The following TOPBP1 variants were observed in gnomAD, a reference collection of about 807,000 sequenced individuals.
TOPBP1 encodes the protein DNA topoisomerase II binding protein 1, also known as DNA topoisomerase 2-binding protein 1.
A neutral mutation model predicts 167.7 loss-of-function variants in TOPBP1; 28 were observed. The observed-to-expected ratio is 0.17, with a 90% confidence interval of 0.12 to 0.23. The LOEUF is 0.23. TOPBP1 is among the 10% of genes least tolerant of loss of function. The pLI, the probability that TOPBP1 is intolerant of heterozygous loss-of-function variation, is 1.00. For synonymous variants in TOPBP1, 598 were observed against 611.4 expected (o/e 0.98, Z 0.32); for missense variants, 1,554 against 1,809.6 (o/e 0.86, Z 2.56).
At position 133,617,232 on chromosome 3, in the gene TOPBP1, G is replaced by C. The variant is rs768830059; in HGVS notation, c.3687C>G (p.Ile1229Met). ...LETPIKDSHL[I>M]PTPQAPSIAF... Reference sequence around the variant, plus strand: ...CAATACTGGGGGCTTGAGGCGTAGGGATCAGGTGGCTGTCTTTTATGGGAG... The same window carrying C: ...CAATACTGGGGGCTTGAGGCGTAGGCATCAGGTGGCTGTCTTTTATGGGAG... Residue 1229 changes from isoleucine (I) to methionine (M), a missense_variant, in exon 22 of 28, where the codon ATC becomes ATG. Ile to Met is a conservative substitution (Grantham distance 10, BLOSUM62 1). This residue lies in a region of TOPBP1 where 351 missense variants were observed against 432.9 expected (regional missense o/e 0.81). Transcript: ENST00000260810. 37 of 1,613,916 alleles carry C rather than the reference G, an allele frequency of 2.3e-5. No individual in the cohort carries two copies. The highest frequency in any genetic ancestry group is 3.1e-5 in the Non-Finnish European group (37 of 1,179,854).
rs1936199764 is a variant in TOPBP1, at chr3:133,649,369, C to T, written c.1504+14G>A. The T allele has an allele frequency of 6.2e-7, 1 of 1,607,722 alleles. No individual in the cohort carries two copies. Among genetic ancestry groups the T allele is most frequent in the Non-Finnish European group, 8.5e-7 (1 of 1,178,088 alleles). On this transcript the variant is annotated intron_variant, in intron 10 of 27. Transcript: ENST00000260810. ...TTTCTTACTAACTACAAATACTAAT[C>T]AAGCATTTCTTACCTACTGTGGAGC...
chr3:133,651,866 T>C (rs1936318715), intron 8 of TOPBP1, among the ~76,000 whole-genome samples: 1 of 152,202 alleles, frequency 6.6e-6, no homozygotes, highest in Admixed American at 6.5e-5. Flanking sequence ...TTTATATATA[T>C]ATTAACACAC....
intron 13 of TOPBP1, among the ~76,000 whole-genome samples, chr3:133,639,435 C>G (rs1220381898): frequency 1.3e-5 from 2 of 152,064 alleles, no homozygotes; most frequent in Non-Finnish European, 2.9e-5. Context: ...ACATCACACA[C>G]CGGGGCCTGT....
At chr3:133,645,877 G>A (rs57367367) in intron 10 of TOPBP1, among the ~76,000 whole-genome samples, 29 of 152,214 alleles carry the variant, frequency 1.9e-4, no homozygotes, top group East Asian at 7.7e-4. Context: ...GGCCGGGCGC[G>A]GTGGCTCATG....
intron 14 of TOPBP1, 125 bp from the exon 15 acceptor site, chr3:133,628,858 C>T: frequency 1.1e-6 from 1 of 913,724 alleles, no homozygotes; most frequent in Non-Finnish European, 1.6e-6. Flanking sequence ...GGGGGAGAAT[C>T]CTCAAAATTA....
intron 22 of TOPBP1, 80 bp from the exon 23 acceptor site, chr3:133,617,005 T>C: frequency 8.0e-7 from 1 of 1,256,826 alleles, no homozygotes; most frequent in Non-Finnish European, 1.1e-6. Flanking sequence ...GGTATTTTAC[T>C]CAGTCTTCTA....
chr3:133,616,769 T>C (rs1576683620), intron 23 of TOPBP1, 45 bp downstream of exon 23: 1 of 1,136,696 alleles, frequency 8.8e-7, no homozygotes, highest in East Asian at 2.7e-5. Context: ...CTTCCAAATA[T>C]GGTTATTATA....
intron 21 of TOPBP1, 148 bp from the exon 22 acceptor site, chr3:133,617,474 C>A: frequency 1.3e-6 from 1 of 791,474 alleles, no homozygotes. Context: ...ATCCTATCCC[C>A]AGAACTTATA....
At chr3:133,657,338 T>C (rs1036695897) in intron 4 of TOPBP1, among the ~76,000 whole-genome samples, 2 of 150,486 alleles carry the variant, frequency 1.3e-5, no homozygotes, top group Admixed American at 1.3e-4. Context: ...TAAGACCCTG[T>C]CCCAAATATA....
intron 10 of TOPBP1, among the ~76,000 whole-genome samples, chr3:133,644,613 G>A (rs1253359378): frequency 6.6e-6 from 1 of 152,124 alleles, no homozygotes; most frequent in African/African-American, 2.4e-5. Flanking sequence ...CTAGTATAAT[G>A]GAAACTTGAA....
chr3:133,655,041 T>C (rs1036996648), intron 6 of TOPBP1, among the ~76,000 whole-genome samples: 1 of 147,626 alleles, frequency 6.8e-6, no homozygotes, highest in African/African-American at 2.4e-5. Flanking sequence ...AGCCCGTCTC[T>C]ACTAAAAATA....
At chr3:133,661,201 T>C (rs2107843726) in intron 1 of TOPBP1, 67 bp from the exon 2 acceptor site, 2 of 1,228,702 alleles carry the variant, frequency 1.6e-6, no homozygotes, top group Non-Finnish European at 2.2e-6. Context: ...ATGTTTAACC[T>C]ACCTATTTTT....
chr3:133,659,114 T>C lies in TOPBP1; in HGVS notation c.121A>G (p.Ile41Val). The C allele has an allele frequency of 6.3e-7, 1 of 1,582,694 alleles. No homozygotes were observed. The highest frequency in any genetic ancestry group is 8.6e-7 in the Non-Finnish European group (1 of 1,163,842). Residue 41 changes from isoleucine (I) to valine (V), a missense_variant, in exon 3 of 28, where the codon ATT becomes GTT. By Grantham distance (29) the Ile-to-Val change is conservative. Around this residue, in one of 3 missense-constraint regions of TOPBP1, gnomAD observed 1,197 missense variants for 1,351.5 expected, o/e 0.89. Coordinates refer to ENST00000260810, the MANE Select transcript of TOPBP1 (RefSeq NM_007027.4). The stretch of plus-strand genomic sequence containing the variant: ...TTCAATGCCTCTTCTTCTGTAATAA[T>C]CTGAAGATATTCTTCTGATTGGAAT... ...KEFQSEEYLQ[I>V]ITEEEALKIK...
rs934664768 is a variant in TOPBP1, at chr3:133,619,119, AAAAAAAC to A, written c.3372-693_3372-687del. ...CTTACACTGTGGAGAAGCAAAAAAA[AAAAAAAC>A]AAAAAACAAAAAACAAAACAAAACA... is the stretch of plus-strand genomic sequence containing the variant. On this transcript the variant is annotated intron_variant, in intron 20 of 27. Transcript: ENST00000260810. Among the ~76,000 whole-genome samples, 22 of 144,486 alleles carry A rather than the reference AAAAAAAC, an allele frequency of 1.5e-4. No homozygotes were observed. In the East Asian group the frequency reaches 1.5e-3, roughly 10 times the overall value. 94.8% of individuals were successfully genotyped at this position (144,486 alleles called of 152,430 possible). A position where few individuals can be genotyped will look rare whatever the true frequency, so the allele number is the denominator to read the frequency against.
At chr3:133,654,745 C>T (rs1008597236) in intron 6 of TOPBP1, among the ~76,000 whole-genome samples, 14 of 152,020 alleles carry the variant, frequency 9.2e-5, no homozygotes, top group East Asian at 1.9e-4. Flanking sequence ...TTTTCTTGTT[C>T]GTAATGTCTT....
At chr3:133,643,667 C>T (rs887941602) in intron 11 of TOPBP1, among the ~76,000 whole-genome samples, 1 of 151,430 alleles carries the variant, frequency 6.6e-6, no homozygotes, top group African/African-American at 2.4e-5. Flanking sequence ...TTAGTTTATA[C>T]TATTTTTCTC....
chr3:133,650,171 A>G (rs1936236821), intron 8 of TOPBP1, among the ~76,000 whole-genome samples: 2 of 152,154 alleles, frequency 1.3e-5, no homozygotes, highest in African/African-American at 2.4e-5. Flanking sequence ...TAGATACTTG[A>G]TAAGTATTTT....
intron 27 of TOPBP1, among the ~76,000 whole-genome samples, chr3:133,607,052 T>C (rs780426739): frequency 6.6e-6 from 1 of 152,144 alleles, no homozygotes; most frequent in Non-Finnish European, 1.5e-5. Flanking sequence ...GCTCCCACTA[T>C]AAACCTACCG....
intron 23 of TOPBP1, among the ~76,000 whole-genome samples, chr3:133,614,442 A>ATG (rs1934793066): frequency 6.6e-6 from 1 of 152,194 alleles, no homozygotes; most frequent in Non-Finnish European, 1.5e-5. Flanking sequence ...ATACATATAT[A>ATG]TCAGTTGGCC....
Sources: allele counts gnomAD v4.1 joint callset (sites outside exome capture counted in the v4.1 genomes callset), GRCh38; gene constraint gnomAD v4.1.1; regional missense constraint gnomAD v4.1.1; transcripts MANE v1.5; gene names NCBI Gene and HGNC (gene_info 2026-07-23, HGNC 2026-07-21).